The following CLDN16 variants were observed in gnomAD, a reference collection of about 807,000 sequenced individuals.
The protein encoded by CLDN16 is claudin-16.
A neutral mutation model predicts 24.6 loss-of-function variants in CLDN16; 13 were observed. The ratio of observed to expected loss-of-function variants is 0.53; its 90% CI spans 0.34 to 0.84. The LOEUF is 0.84. CLDN16 is among the 40% of genes least tolerant of loss of function. CLDN16 has a pLI of 0.01. For synonymous variants in CLDN16, 116 were observed against 106.7 expected, an observed-to-expected ratio of 1.09 and a Z score of -0.54; for missense variants, 298 against 292.7, an observed-to-expected ratio of 1.02 and a Z score of -0.13.
At chr3:190,347,643 A>G (rs55993662) in intron 1 of CLDN16, among the ~76,000 whole-genome samples, 1 of 152,342 alleles carries the variant, frequency 6.6e-6, no homozygotes, top group African/African-American at 2.4e-5. Flanking sequence ...GGAGACAGAT[A>G]ATAAACAACA....
intron 1 of CLDN16, among the ~76,000 whole-genome samples, chr3:190,334,976 A>G (rs1002068347): frequency 2.9e-5 from 4 of 139,726 alleles, no homozygotes; most frequent in Non-Finnish European, 6.4e-5. Flanking sequence ...GAATTCTTTT[A>G]TTTTTCTTTT....
At chr3:190,312,902 C>T in the CLDN16 span, 1 of 1,614,206 alleles carries the variant, frequency 6.2e-7, no homozygotes, top group Non-Finnish European at 8.5e-7. Context: ...CCCCCAATGA[C>T]AGCCATCCTC....
chr3:190,366,886 T>C (rs893437222), intron 1 of CLDN16, among the ~76,000 whole-genome samples: 2 of 151,890 alleles, frequency 1.3e-5, no homozygotes, highest in South Asian at 2.1e-4. Context: ...TTCAGAAACA[T>C]ACCATAGCTT....
the CLDN16 span, chr3:190,307,026 A>T: frequency 2.6e-5 from 4 of 152,666 alleles, no homozygotes; most frequent in African/African-American, 9.6e-5. Context: ...CCAGCTGAGC[A>T]AATAAAGACA....
intron 1 of CLDN16, among the ~76,000 whole-genome samples, chr3:190,399,846 A>C (rs1362374754): frequency 6.6e-6 from 1 of 152,126 alleles, no homozygotes; most frequent in Non-Finnish European, 1.5e-5. Context: ...GCAAGTGAGC[A>C]TTACCGCCTA....
chr3:190,322,504 C>A (rs1340619911), upstream of CLDN16: 4 of 398,472 alleles, frequency 1.0e-5, no homozygotes, highest in African/African-American at 2.1e-5. Flanking sequence ...CCCCGGCAGC[C>A]GGGGAGCGCC....
chr3:190,304,283 A>G, the CLDN16 span, among the ~76,000 whole-genome samples: 2 of 152,134 alleles, frequency 1.3e-5, no homozygotes, highest in African/African-American at 4.8e-5. Flanking sequence ...CAGTGGCAGA[A>G]CGAGTGCTAT....
At chr3:190,383,562 T>C (rs925244146), upstream of CLDN16, among the ~76,000 whole-genome samples, 3 of 152,302 alleles carry the variant, frequency 2.0e-5, no homozygotes, top group African/African-American at 7.2e-5. Flanking sequence ...ATCTTTGTGC[T>C]TTGAAATGAC....
intron 2 of CLDN16, among the ~76,000 whole-genome samples, chr3:190,404,096 C>G (rs1280404743): frequency 1.3e-5 from 2 of 152,058 alleles, no homozygotes; most frequent in Non-Finnish European, 2.9e-5. Context: ...TAAGTCACGT[C>G]TGGAAGAGAT....
Position 190,389,850 on chromosome 3 carries a change from TTA to T in CLDN16, c.114+1409_114+1410del, listed in dbSNP as rs563755118. On this transcript the variant is annotated intron_variant, in intron 1 of 4. Coordinates refer to ENST00000264734, the MANE Select transcript of CLDN16 (RefSeq NM_006580.4). ...ATGTTTAACTTGAGCATAATTATAA[TTA>T]TGTTTTTTAAAATACAAAAAAATGT... Among the ~76,000 whole-genome samples, 3 of 152,360 alleles carry T rather than the reference TTA, an allele frequency of 2.0e-5. No individual in the cohort carries two copies. The South Asian group carries it at 6.2e-4, about 32-fold the overall frequency.
At chr3:190,383,324 A>G (rs531270822), upstream of CLDN16, among the ~76,000 whole-genome samples, 189 of 152,254 alleles carry the variant, frequency 1.2e-3, no homozygotes, top group African/African-American at 2.8e-3. Flanking sequence ...TTAAGCCTAA[A>G]GAACAAGGCT....
intron 1 of CLDN16, among the ~76,000 whole-genome samples, chr3:190,360,241 G>A (rs1379603450): frequency 1.3e-5 from 2 of 151,964 alleles, no homozygotes; most frequent in Non-Finnish European, 2.9e-5. Context: ...TTTCCAGGGA[G>A]GAAAATAGGA....
chr3:190,297,654 A>C, the CLDN16 span, among the ~76,000 whole-genome samples: 30 of 142,040 alleles, frequency 2.1e-4, no homozygotes, highest in South Asian at 6.2e-3. Flanking sequence ...TATCTATATT[A>C]TATATCTATA....
At chr3:190,401,424 G>C (rs1718958480) in intron 1 of CLDN16, among the ~76,000 whole-genome samples, 1 of 152,120 alleles carries the variant, frequency 6.6e-6, no homozygotes, top group African/African-American at 2.4e-5. Context: ...ACTATTCCCA[G>C]ATACAGAAGG....
In CLDN16 at chr3:190,361,768, A is replaced by G. The variant is rs532537108; in HGVS notation, n.122-9125A>G. ...GCCTGAAAAATTGAGCTGCAAACAT[A>G]GATAAACAAGCTGGAACCTTGCACA... On this transcript the variant is annotated intron_variant and non_coding_transcript_variant, in intron 1 of 4. Coordinates refer to the CLDN16 transcript ENST00000468220. Among the ~76,000 whole-genome samples, 5 of 151,992 alleles carry G rather than the reference A, an allele frequency of 3.3e-5. No individual in the cohort carries two copies. The East Asian group carries it at 9.8e-4, about 30-fold the overall frequency.
chr3:190,326,918 C>A (rs1003645185), intron 1 of CLDN16, among the ~76,000 whole-genome samples: 1 of 152,298 alleles, frequency 6.6e-6, no homozygotes, highest in African/African-American at 2.4e-5. Context: ...TAGAAACATT[C>A]AACTGATTTG....
rs778196876 is a variant in CLDN16 at position 190,353,912 on chromosome 3, C to T, written n.122-16981C>T. ...TGGTTTAAAGGAATGGAAATTTGTT[C>T]GCTCCCAATTCTGAGGGCCATAAGT... On this transcript the variant is annotated intron_variant and non_coding_transcript_variant, in intron 1 of 4. Coordinates refer to the CLDN16 transcript ENST00000468220. 3.0e-4 allele frequency among the ~76,000 whole-genome samples: 45 copies of T among 152,108 alleles called. No homozygotes were observed. In the Middle Eastern group the frequency reaches 0.014, roughly 46 times the overall value.
At chr3:190,396,201 G>A (rs1310285185) in intron 1 of CLDN16, among the ~76,000 whole-genome samples, 1 of 152,164 alleles carries the variant, frequency 6.6e-6, no homozygotes, top group Non-Finnish European at 1.5e-5. Context: ...AGTTGGAAGA[G>A]TCATCATCTC....
intron 1 of CLDN16, among the ~76,000 whole-genome samples, chr3:190,348,279 T>TAAAAA (rs1491193283): frequency 1.6e-4 from 4 of 25,594 alleles, no homozygotes; most frequent in South Asian, 1.1e-3. Flanking sequence ...AAAGAATAAA[T>TAAAAA]CAAAAAAAAA....
Sources: allele counts gnomAD v4.1 joint callset (sites outside exome capture counted in the v4.1 genomes callset), GRCh38; gene constraint gnomAD v4.1.1; transcripts MANE v1.5; gene names NCBI Gene and HGNC (gene_info 2026-07-23, HGNC 2026-07-21).